The following PDXDC1 variants were observed in gnomAD, a reference collection of about 807,000 sequenced individuals.
The protein encoded by PDXDC1 is pyridoxal-dependent decarboxylase domain-containing protein 1.
Under a neutral mutation model 100.1 loss-of-function variants are expected in PDXDC1, and 42 were observed. The observed-to-expected ratio is 0.42, with a 90% CI of 0.33 to 0.54. The LOEUF is 0.54. PDXDC1 is among the 20% of genes least tolerant of loss of function. The pLI, the probability that PDXDC1 is intolerant of heterozygous loss-of-function variation, is 0.10. For missense variants in PDXDC1, 636 were observed against 979.2 expected (o/e 0.65, Z 4.68); for synonymous variants, 260 against 371.7 (o/e 0.70, Z 3.46).
intron 8 of PDXDC1, among the ~76,000 whole-genome samples, chr16:15,013,854 G>T (rs1262351757): frequency 7.2e-6 from 1 of 138,416 alleles, no homozygotes; most frequent in Non-Finnish European, 1.5e-5. Flanking sequence ...TAGCCTGGGC[G>T]ACAGAAAGGG....
chr16:15,131,567 C>G (rs1452134884), intron 16 of PDXDC1: 36 of 1,608,614 alleles, frequency 2.2e-5, no homozygotes, highest in Non-Finnish European at 3.1e-5. Flanking sequence ...TCGTTGAGCA[C>G]GCGGGAGCGC....
intron 1 of PDXDC1, among the ~76,000 whole-genome samples, chr16:14,983,818 G>A (rs1968585874): frequency 6.6e-6 from 1 of 152,374 alleles, no homozygotes; most frequent in African/African-American, 2.4e-5. Flanking sequence ...TAATTATATA[G>A]TTTGTGTTTT....
At chr16:15,062,002 TG>T in intron 16 of PDXDC1, 2 of 1,216,600 alleles carry the variant, frequency 1.6e-6, no homozygotes, top group Non-Finnish European at 2.3e-6. Context: ...TTTGTAAAGA[TG>T]GTGAAGAAAA....
chr16:15,145,798 C>T, the PDXDC1 span, among the ~76,000 whole-genome samples: 38 of 152,384 alleles, frequency 2.5e-4, no homozygotes, highest in African/African-American at 8.2e-4. Flanking sequence ...CAGACGTGCC[C>T]GGCCTCAGCC....
In PDXDC1 at chr16:15,003,919, G is replaced by A. The variant is rs1285450693; in HGVS notation, c.243-268G>A. On this transcript the variant is annotated intron_variant, in intron 4 of 22. Coordinates refer to ENST00000396410, the MANE Select transcript of PDXDC1 (RefSeq NM_015027.4). The stretch of plus-strand genomic sequence containing the variant: ...GAATCACGTGAACCCAGGAGGTGGA[G>A]GTTGTAGTGAGCTGAGATCGCACCA... 2.0e-5 allele frequency among the ~76,000 whole-genome samples: 3 copies of A among 152,274 alleles called. No individual in the cohort carries two copies. In the East Asian group the frequency reaches 5.8e-4, roughly 29 times the overall value.
intron 1 of PDXDC1, chr16:14,989,443 C>G: frequency 6.2e-7 from 1 of 1,607,062 alleles, no homozygotes; most frequent in East Asian, 2.3e-5. Context: ...TGATGGTCTC[C>G]GACCTTCTCC....
At chr16:15,070,741 A>G (rs2045188954) in intron 16 of PDXDC1, among the ~76,000 whole-genome samples, 1 of 152,058 alleles carries the variant, frequency 6.6e-6, no homozygotes, top group Admixed American at 6.6e-5. Context: ...CTGGCCTCCT[A>G]GATAGGTCTA....
chr16:15,079,889 G>C lies in PDXDC1; in HGVS notation c.1399+49833G>C, dbSNP rs2941253. On this transcript the variant is annotated intron_variant, in intron 16 of 16. Transcript: ENST00000535621. ...TGGGAATACAGGCGTGAGTCACCAC[G>C]CCTGGCCAAGTGGATTCTTTTCTAT... 1.9e-4 allele frequency: 243 copies of C among 1,283,434 alleles called. 3 individuals carry two copies. In the East Asian group the frequency reaches 6.4e-3, roughly 34 times the overall value. The allele number at this position is 1,283,434 out of a possible 1,614,324, so 79.5% of individuals were successfully genotyped here.
chr16:15,150,097 C>T, the PDXDC1 span, among the ~76,000 whole-genome samples: 1 of 152,094 alleles, frequency 6.6e-6, no homozygotes, highest in African/African-American at 2.4e-5. Context: ...GTAATCCCAG[C>T]ACTTTGGGAG....
At chr16:15,092,727 C>T in intron 16 of PDXDC1, 1 of 692,972 alleles carries the variant, frequency 1.4e-6, no homozygotes, top group Non-Finnish European at 2.5e-6. Flanking sequence ...GGCCTCTTTA[C>T]TGGTCTCCCT....
chr16:15,134,081 G>A, intron 16 of PDXDC1: 1 of 1,569,796 alleles, frequency 6.4e-7, no homozygotes, highest in East Asian at 2.3e-5. Context: ...ACCGCTGCAG[G>A]CAGAAGGGGT....
At chr16:15,015,700 T>C (rs1482642897) in intron 8 of PDXDC1, 2 of 252,700 alleles carry the variant, frequency 7.9e-6, no homozygotes, top group Non-Finnish European at 1.5e-5. Flanking sequence ...TGGGCGACAG[T>C]GTGAGACTCC....
chr16:15,078,818 T>C (rs1383936703), intron 16 of PDXDC1, among the ~76,000 whole-genome samples: 4 of 149,844 alleles, frequency 2.7e-5, no homozygotes, highest in Non-Finnish European at 3.0e-5. Flanking sequence ...TTTTCTTTTT[T>C]TTTTTTTTTT....
intron 16 of PDXDC1, chr16:15,137,597 A>T: frequency 1.5e-6 from 2 of 1,363,250 alleles, no homozygotes; most frequent in East Asian, 2.5e-5. Context: ...CACCCCACAC[A>T]CCCCCATCCG....
chr16:14,978,445 C>T (rs1472018942), intron 1 of PDXDC1, among the ~76,000 whole-genome samples: 10 of 152,296 alleles, frequency 6.6e-5, no homozygotes, highest in African/African-American at 2.4e-4. Flanking sequence ...GCTGGAGAGC[C>T]GTGGTACAAT....
At chr16:15,092,392 A>G (rs894118219) in intron 16 of PDXDC1, 13 of 696,442 alleles carry the variant, frequency 1.9e-5, no homozygotes, top group Non-Finnish European at 3.1e-5. Context: ...ATTATTAAAT[A>G]TTTGATTTCA....
chr16:15,129,490 T>C (rs1012552108), intron 16 of PDXDC1, among the ~76,000 whole-genome samples: 6 of 152,130 alleles, frequency 3.9e-5, no homozygotes, highest in African/African-American at 1.4e-4. Flanking sequence ...GCAATTCCAA[T>C]GAAAGGAAAA....
rs1339684250 is a variant in PDXDC1, at chr16:15,127,343, C to A, written c.1400-11536C>A. 1.0e-5 allele frequency: 7 copies of A among 693,462 alleles called. No homozygotes were observed. In the Admixed American group the frequency reaches 1.2e-4, roughly 12 times the overall value. The allele number at this position is 693,462 out of a possible 1,614,324, so 43.0% of individuals were successfully genotyped here. A position where few individuals can be genotyped will look rare whatever the true frequency, so the allele number is the denominator to read the frequency against. On this transcript the variant is annotated intron_variant, in intron 16 of 16. Coordinates refer to the PDXDC1 transcript ENST00000535621. ...GCTAAGGCTGCTCAAGTGTGTTGAC[C>A]CTTCCCGAGCAGCCTTTGGTGGACG...
intron 16 of PDXDC1, among the ~76,000 whole-genome samples, chr16:15,109,632 G>C (rs2046950839): frequency 9.9e-6 from 1 of 100,922 alleles, no homozygotes; most frequent in Non-Finnish European, 1.8e-5. Context: ...ACTCTAGCCT[G>C]GGTGACAGAG....
Sources: gnomAD v4.1 joint callset for allele counts (sites outside exome capture counted in the v4.1 genomes callset) on GRCh38, gnomAD v4.1.1 for gene constraint, MANE v1.5 for transcripts, NCBI Gene and HGNC (gene_info 2026-07-23, HGNC 2026-07-21) for gene names.